CLASP1: variants seen among roughly 807,000 people sequenced by gnomAD.
The protein encoded by CLASP1 is cytoplasmic linker associated protein 1.
CLASP1 carries 38 observed loss-of-function variants against 192.3 expected under a neutral mutation model. That is an observed-to-expected ratio of 0.20 (90% confidence interval 0.15 to 0.26). The LOEUF (loss-of-function observed/expected upper bound fraction) is 0.26, where lower values mean the gene tolerates loss of function less well. Ranked by LOEUF, CLASP1 falls within the 10% of genes least tolerant of loss-of-function variation. The probability of loss-of-function intolerance (pLI) is 1.00; values close to 1 mark genes in which losing one functional copy is unlikely to be tolerated. For missense variants in CLASP1, 1,433 were observed against 1,932.5 expected (o/e 0.74, Z 4.85); for synonymous variants, 691 against 712.8 (o/e 0.97, Z 0.49).
intron 2 of CLASP1, among the ~76,000 whole-genome samples, chr2:121,592,196 T>C (rs1449380088): frequency 6.6e-6 from 1 of 152,214 alleles, no homozygotes; most frequent in East Asian, 1.9e-4. Context: ...CATGTTTTGC[T>C]TTTCTTCCCC....
intron 8 of CLASP1, among the ~76,000 whole-genome samples, chr2:121,489,821 A>G (rs1037313464): frequency 2.6e-5 from 4 of 152,250 alleles, no homozygotes; most frequent in Admixed American, 2.6e-4. Context: ...AGACAGAAGC[A>G]GCATCCTTGC....
chr2:121,480,406 A>G (rs2092495364), intron 8 of CLASP1, among the ~76,000 whole-genome samples: 1 of 152,154 alleles, frequency 6.6e-6, no homozygotes, highest in Admixed American at 6.5e-5. Flanking sequence ...CAGGTGGAAA[A>G]TGCCCTGGCT....
intron 20 of CLASP1, 61 bp downstream of exon 20, chr2:121,430,012 A>C: frequency 7.9e-7 from 1 of 1,263,720 alleles, no homozygotes; most frequent in South Asian, 1.3e-5. Flanking sequence ...AAAATGTTCA[A>C]CTGCAGAATG....
chr2:121,637,548 G>T (rs1485906235), intron 1 of CLASP1, among the ~76,000 whole-genome samples: 3 of 152,102 alleles, frequency 2.0e-5, no homozygotes, highest in African/African-American at 7.2e-5. Flanking sequence ...TTTGAATTTG[G>T]CAACAAATTC....
chr2:121,504,219 C>A (rs1246976758), intron 7 of CLASP1, among the ~76,000 whole-genome samples: 1 of 143,686 alleles, frequency 7.0e-6, no homozygotes, highest in Non-Finnish European at 1.5e-5. Flanking sequence ...GCAACAAGAG[C>A]GAAACTCCGT....
chr2:121,569,300 A>AT (rs2059781113), intron 2 of CLASP1, among the ~76,000 whole-genome samples: 1 of 152,224 alleles, frequency 6.6e-6, no homozygotes, highest in Non-Finnish European at 1.5e-5. Flanking sequence ...GATATAGCTC[A>AT]TAACACAGAG....
Position 121,503,163 on chromosome 2 carries a change from T to C in CLASP1, c.712+4A>G. On this transcript the variant is annotated splice_donor_region_variant and intron_variant, in intron 8 of 39. Coordinates refer to ENST00000263710, the Ensembl canonical transcript of CLASP1. ...CAAAAGTAGGGATTGCTTTTTCTACTCACCATTTGCAGATTGTATCATGTT... is the reference window on the plus strand; with the variant it reads ...CAAAAGTAGGGATTGCTTTTTCTACCCACCATTTGCAGATTGTATCATGTT... 1 of 1,542,054 alleles carries C rather than the reference T, an allele frequency of 6.5e-7. No homozygotes were observed.
Position 121,390,587 on chromosome 2 carries a change from T to C in CLASP1, c.3124-2681A>G, listed in dbSNP as rs575943848. Among the ~76,000 whole-genome samples, 87 of 152,296 alleles carry C rather than the reference T, an allele frequency of 5.7e-4. 3 individuals are homozygous for C. In the Middle Eastern group the frequency reaches 0.014, roughly 24 times the overall value. Reference sequence around the variant, plus strand: ...CATCAACTGTCTTGAATGTTGCACATCTTATAGCAGAAAGGAATTCTCCCT... The same window carrying C: ...CATCAACTGTCTTGAATGTTGCACACCTTATAGCAGAAAGGAATTCTCCCT... On this transcript the variant is annotated intron_variant, in intron 30 of 39. Coordinates refer to ENST00000263710, the Ensembl canonical transcript of CLASP1.
chr2:121,449,198 G>A (rs2084935374), intron 16 of CLASP1, 78 bp from the exon 17 acceptor site: 1 of 1,315,824 alleles, frequency 7.6e-7, no homozygotes, highest in African/African-American at 1.5e-5. Context: ...GTACACCACA[G>A]AAGATTTTCA....
intron 2 of CLASP1, among the ~76,000 whole-genome samples, chr2:121,594,687 G>A (rs527643218): frequency 9.9e-5 from 15 of 152,172 alleles, no homozygotes; most frequent in Non-Finnish European, 1.8e-4. Context: ...CACTGCGCCC[G>A]GCCAGTAGTC....
intron 25 of CLASP1, among the ~76,000 whole-genome samples, chr2:121,405,180 G>A (rs1184109924): frequency 6.6e-6 from 1 of 152,108 alleles, no homozygotes; most frequent in East Asian, 1.9e-4. Context: ...ATGGTGGTGG[G>A]TGCCTGTAAT....
intron 8 of CLASP1, among the ~76,000 whole-genome samples, chr2:121,476,463 C>T (rs1324942721): frequency 6.6e-6 from 1 of 152,204 alleles, no homozygotes; most frequent in Non-Finnish European, 1.5e-5. Context: ...AGTCTGGTGT[C>T]TGGAACTTGT....
intron 26 of CLASP1, chr2:121,403,861 C>G (rs2076511707): frequency 1.5e-5 from 7 of 452,762 alleles, no homozygotes; most frequent in South Asian, 1.1e-4. Flanking sequence ...GATCCCCGTT[C>G]AGCAAATTCT....
chr2:121,429,038 A>G (rs890720783), intron 20 of CLASP1, among the ~76,000 whole-genome samples: 8 of 152,188 alleles, frequency 5.3e-5, no homozygotes, highest in Non-Finnish European at 1.2e-4. Flanking sequence ...AATACAACCT[A>G]GGCCACAGGA....
chr2:121,386,660 C>G (rs1209825666), intron 32 of CLASP1, among the ~76,000 whole-genome samples: 3 of 152,216 alleles, frequency 2.0e-5, no homozygotes, highest in African/African-American at 4.8e-5. Context: ...TCCTTCAGAG[C>G]AGCATTCTGC....
intron 30 of CLASP1, 65 bp downstream of exon 31, chr2:121,397,075 A>G: frequency 6.4e-7 from 1 of 1,555,826 alleles, no homozygotes; most frequent in Non-Finnish European, 8.8e-7. Flanking sequence ...CAAGTTTCTA[A>G]ATACATTTCT....
chr2:121,586,520 T>C (rs1275568310), intron 2 of CLASP1, among the ~76,000 whole-genome samples: 9 of 152,236 alleles, frequency 5.9e-5, no homozygotes, highest in Admixed American at 5.9e-4. Context: ...GTAATCCCTA[T>C]AATTCTCTCC....
chr2:121,563,318 T>C (rs559172762), intron 2 of CLASP1, among the ~76,000 whole-genome samples: 5 of 152,224 alleles, frequency 3.3e-5, no homozygotes, highest in South Asian at 4.2e-4. Context: ...CTACATCACA[T>C]TGAAAAAGGA....
exon 2 of CLASP1, chr2:121,605,986 T>C: frequency 9.1e-7 from 1 of 1,099,080 alleles, no homozygotes; most frequent in South Asian, 1.5e-5. Context: ...GCCTCTTTGT[T>C]CGCTGAAGGT....
Sources: gnomAD v4.1 joint callset for allele counts (sites outside exome capture counted in the v4.1 genomes callset) on GRCh38, gnomAD v4.1.1 for gene constraint, MANE v1.5 for transcripts, NCBI Gene and HGNC (gene_info 2026-07-23, HGNC 2026-07-21) for gene names.